PGM2: variants seen among roughly 807,000 people sequenced by gnomAD.
PGM2 encodes phosphopentomutase.
PGM2 carries 57 observed loss-of-function variants against 74.6 expected under a neutral mutation model. That is an observed-to-expected ratio of 0.76 (90% CI 0.62 to 0.95). The LOEUF is 0.95. Among genes scored for constraint, PGM2 ranks in the 40% least tolerant of loss-of-function variants. PGM2 has a pLI of 0.00. For synonymous variants in PGM2, 273 were observed against 260.7 expected (o/e 1.05, Z -0.46); for missense variants, 706 against 741.9 (o/e 0.95, Z 0.56).
intron 1 of PGM2, among the ~76,000 whole-genome samples, chr4:37,829,182 A>G (rs553221252): frequency 4.7e-5 from 7 of 149,942 alleles, no homozygotes; most frequent in African/African-American, 1.8e-4. Flanking sequence ...TGCAACTACC[A>G]TACAAAAAAA....
intron 12 of PGM2, among the ~76,000 whole-genome samples, chr4:37,854,540 G>A (rs1026285927): frequency 2.6e-5 from 4 of 151,950 alleles, no homozygotes; most frequent in Admixed American, 2.0e-4. Context: ...TAGTAGAGAC[G>A]GGGTTTTGCC....
chr4:37,836,683 C>G (rs973302069), intron 3 of PGM2, among the ~76,000 whole-genome samples: 4 of 152,156 alleles, frequency 2.6e-5, no homozygotes, highest in Non-Finnish European at 5.9e-5. Context: ...TAATGTTGTT[C>G]ATTCTAAGTA....
Position 37,861,634 on chromosome 4 carries a change from C to T in PGM2, c.*22C>T. On this transcript the variant is annotated 3_prime_UTR_variant, in exon 14 of 14. Coordinates refer to ENST00000381967, the MANE Select transcript of PGM2 (RefSeq NM_018290.4). ...CTAAAATAGTCCAGCCTTGGGTATA[C>T]TTGCATTTACCTACAATTAAGCTGG... The T allele has an allele frequency of 3.4e-6, 5 of 1,452,576 alleles. No individual in the cohort carries two copies. The highest frequency in any genetic ancestry group is 4.8e-6 in the Non-Finnish European group (5 of 1,033,136). The allele number at this position is 1,452,576 out of a possible 1,614,324, so 90.0% of individuals were successfully genotyped here. A position where few individuals can be genotyped will look rare whatever the true frequency, so the allele number is the denominator to read the frequency against.
intron 11 of PGM2, among the ~76,000 whole-genome samples, chr4:37,849,028 C>T (rs1001406682): frequency 6.6e-6 from 1 of 150,970 alleles, no homozygotes; most frequent in African/African-American, 2.4e-5. Context: ...CGAGATCGCG[C>T]CATTGCACTC....
intron 13 of PGM2, among the ~76,000 whole-genome samples, chr4:37,858,601 C>T (rs1488317231): frequency 2.0e-5 from 3 of 151,692 alleles, no homozygotes; most frequent in African/African-American, 7.3e-5. Context: ...CTGCCAGCCT[C>T]AGCCTCCCAA....
intron 7 of PGM2, among the ~76,000 whole-genome samples, chr4:37,844,995 A>AT (rs1725830781): frequency 6.8e-6 from 1 of 146,858 alleles, no homozygotes; most frequent in Non-Finnish European, 1.5e-5. Context: ...AAAAAAAAAA[A>AT]CAAGAAGTAT....
At chr4:37,827,275 A>C (rs1400622310) in intron 1 of PGM2, among the ~76,000 whole-genome samples, 1 of 152,126 alleles carries the variant, frequency 6.6e-6, no homozygotes, top group Non-Finnish European at 1.5e-5. Flanking sequence ...CGGTCCTCCC[A>C]TCCCGAGGGC....
chr4:37,833,180 T>A (rs1033214925), intron 2 of PGM2, among the ~76,000 whole-genome samples: 1 of 152,242 alleles, frequency 6.6e-6, no homozygotes, highest in Non-Finnish European at 1.5e-5. Context: ...CAGTGCAATG[T>A]ATTTGTCAAG....
intron 12 of PGM2, 142 bp from the exon 13 acceptor site, chr4:37,855,466 C>G: frequency 1.5e-6 from 1 of 667,242 alleles, no homozygotes; most frequent in South Asian, 2.0e-5. Context: ...ATGTGGAGTA[C>G]ATTTTCTGAT....
At chr4:37,829,714 CAT>C (rs1401423425) in intron 1 of PGM2, among the ~76,000 whole-genome samples, 1 of 152,122 alleles carries the variant, frequency 6.6e-6, no homozygotes, top group Non-Finnish European at 1.5e-5. Context: ...GGGTTAGACT[CAT>C]ATGCTAAAAT....
At chr4:37,837,486 T>A (rs757711684) in intron 3 of PGM2, 43 bp from the exon 4 acceptor site, 1 of 1,129,256 alleles carries the variant, frequency 8.9e-7, no homozygotes, top group Non-Finnish European at 1.4e-6. Flanking sequence ...ACAGTCCTGA[T>A]CACTCAACTC....
At chr4:37,847,644 C>T (rs1470401209) in intron 10 of PGM2, among the ~76,000 whole-genome samples, 1 of 152,170 alleles carries the variant, frequency 6.6e-6, no homozygotes, top group African/African-American at 2.4e-5. Context: ...GTCCCTCCTC[C>T]TCCAAAAGTG....
chr4:37,862,122 T>C lies in PGM2; in HGVS notation c.*510T>C, dbSNP rs1402427287. 1 of 152,782 alleles carries C rather than the reference T, an allele frequency of 6.5e-6. No homozygotes were observed. Among genetic ancestry groups the C allele is most frequent in the East Asian group, 1.9e-4 (1 of 5,216 alleles). 9.5% of individuals were successfully genotyped at this position (152,782 alleles called of 1,614,324 possible). ...TGTTCATGTTTGGGGAAAATATAAT[T>C]TGCAGAAACCTATGAAGTAGAGCAA... On this transcript the variant is annotated 3_prime_UTR_variant, in exon 14 of 14. Transcript: ENST00000381967.
At position 37,843,417 on chromosome 4, in the gene PGM2, A is replaced by G. The variant is rs188229650; in HGVS notation, c.720-947A>G. Among the ~76,000 whole-genome samples, 6 of 152,216 alleles carry G rather than the reference A, an allele frequency of 3.9e-5. No homozygotes were observed. In the East Asian group the frequency reaches 9.6e-4, roughly 24 times the overall value. On this transcript the variant is annotated intron_variant, in intron 6 of 13. Coordinates refer to ENST00000381967, the MANE Select transcript of PGM2 (RefSeq NM_018290.4). ...AGACCTTGTTCATTTATTCATTCCC[A>G]AAAGAAATGGATAATAACCTAAGAT...
chr4:37,837,718 C>CA, intron 4 of PGM2, 105 bp downstream of exon 4: 1 of 769,930 alleles, frequency 1.3e-6, no homozygotes, highest in Non-Finnish European at 2.4e-6. Flanking sequence ...GTTTGAATGA[C>CA]AGAGGAGTTC....
chr4:37,859,633 CACA>C (rs528325519), intron 13 of PGM2, among the ~76,000 whole-genome samples: 48 of 152,274 alleles, frequency 3.2e-4, no homozygotes, highest in African/African-American at 1.1e-3. Flanking sequence ...TTCACAGCAT[CACA>C]ACATTAGTGT....
chr4:37,849,153 C>T lies in PGM2; in HGVS notation c.1412+502C>T, dbSNP rs565696940. On this transcript the variant is annotated intron_variant, in intron 11 of 13. Coordinates refer to ENST00000381967, the MANE Select transcript of PGM2 (RefSeq NM_018290.4). The stretch of plus-strand genomic sequence containing the variant: ...GTAACAAGTTAGTAATTACTATTCC[C>T]GATCGCATTAATTCTTAACAAATGA... Among the ~76,000 whole-genome samples the T allele has an allele frequency of 4.6e-5, 7 of 151,968 alleles. No individual in the cohort carries two copies. The South Asian group carries it at 6.2e-4, about 14-fold the overall frequency.
At chr4:37,834,331 T>G in intron 2 of PGM2, among the ~76,000 whole-genome samples, 1 of 148,196 alleles carries the variant, frequency 6.7e-6, no homozygotes, top group East Asian at 2.0e-4. Context: ...AGCAAGACCC[T>G]GTCTCTGGAA....
At chr4:37,839,396 T>A in intron 4 of PGM2, 1 of 367,262 alleles carries the variant, frequency 2.7e-6, no homozygotes, top group South Asian at 2.1e-5. Flanking sequence ...ATTACAGGCG[T>A]GAGACACCAC....
Sources: gnomAD v4.1 joint callset for allele counts (sites outside exome capture counted in the v4.1 genomes callset) on GRCh38, gnomAD v4.1.1 for gene constraint, MANE v1.5 for transcripts, NCBI Gene and HGNC (gene_info 2026-07-23, HGNC 2026-07-21) for gene names.